PCDHA2: variants seen among roughly 807,000 people sequenced by gnomAD.
PCDHA2 encodes protocadherin alpha 2, also known as protocadherin alpha-2.
Under a neutral mutation model 66.0 loss-of-function variants are expected in PCDHA2, and 58 were observed. The observed-to-expected ratio is 0.88, with a 90% CI of 0.71 to 1.09. The LOEUF (loss-of-function observed/expected upper bound fraction) is 1.09, where lower values mean the gene tolerates loss of function less well. Ranked by LOEUF, PCDHA2 falls within the 50% of genes least tolerant of loss-of-function variation. The pLI is 0.00. For missense variants in PCDHA2, 1,267 were observed against 1,242.3 expected (o/e 1.02, Z -0.30); for synonymous variants, 634 against 554.0 (o/e 1.14, Z -2.03).
Position 140,993,501 on chromosome 5 carries a change from C to T in PCDHA2, c.2536+10938C>T, listed in dbSNP as rs560043353. Among the ~76,000 whole-genome samples, 25 of 149,100 alleles carry T rather than the reference C, an allele frequency of 1.7e-4. No homozygotes were observed. The East Asian group carries it at 3.5e-3, about 21-fold the overall frequency. ...ACACACACACACACACACACACACA[C>T]ACACACACGGGGAGAGAGAGACAGA... On this transcript the variant is annotated intron_variant, in intron 3 of 3. Transcript: ENST00000526136.
At chr5:140,904,435 A>G (rs542932460) in intron 1 of PCDHA2, among the ~76,000 whole-genome samples, 4 of 151,230 alleles carry the variant, frequency 2.6e-5, no homozygotes, top group African/African-American at 9.7e-5. Flanking sequence ...ATATATATGT[A>G]TATTACAATT....
intron 1 of PCDHA2, among the ~76,000 whole-genome samples, chr5:140,805,933 T>C (rs1763653579): frequency 6.6e-6 from 1 of 152,154 alleles, no homozygotes; most frequent in Non-Finnish European, 1.5e-5. Context: ...ATTAGGTAAG[T>C]CCCTCTGAGC....
intron 3 of PCDHA2, among the ~76,000 whole-genome samples, chr5:140,987,213 CAA>C (rs58319157): frequency 9.3e-5 from 11 of 118,826 alleles, no homozygotes; most frequent in African/African-American, 1.6e-4. Flanking sequence ...GACTCCATCT[CAA>C]AAAAAAAAAA....
intron 1 of PCDHA2, chr5:140,822,888 C>T (rs2150120087): frequency 2.5e-6 from 4 of 1,614,234 alleles, no homozygotes; most frequent in Non-Finnish European, 3.4e-6. Flanking sequence ...TTGCTCTGAT[C>T]AGCGTGTCTG....
chr5:140,850,376 C>G (rs2041562813), intron 1 of PCDHA2: 1 of 1,597,960 alleles, frequency 6.3e-7, no homozygotes, highest in Non-Finnish European at 8.6e-7. Flanking sequence ...TGGGGCTGTA[C>G]ACGGGCGAGA....
rs1215014992 is a variant in PCDHA2, at chr5:140,859,892, AT to A, written c.2388+62541del. 2.6e-5 allele frequency: 4 copies of A among 152,144 alleles called. No individual in the cohort carries two copies. The East Asian group carries it at 7.7e-4, about 29-fold the overall frequency. The allele number at this position is 152,144 out of a possible 1,614,324, so 9.4% of individuals were successfully genotyped here. On this transcript the variant is annotated intron_variant, in intron 1 of 3. Transcript: ENST00000526136. ...TCCCCCTCTGATATTTTGAAAAAAAATCTTCCTTAATGTCTTATATTATAAG... is the reference window on the plus strand; with the variant it reads ...TCCCCCTCTGATATTTTGAAAAAAAACTTCCTTAATGTCTTATATTATAAG...
At chr5:140,966,835 G>A in intron 1 of PCDHA2, 10 of 1,564,886 alleles carry the variant, frequency 6.4e-6, no homozygotes, top group Non-Finnish European at 7.8e-6. Flanking sequence ...TGCCCTGGCT[G>A]CTGCTACTGC....
rs374009117 is a variant in PCDHA2, at chr5:140,802,142, A to G, written c.2388+4790A>G. ...ACATAGATTTCGAGGAAAGTAAGTC[A>G]TATGAAATCCAGGTAGAAGCCACGG... On this transcript the variant is annotated intron_variant, in intron 1 of 3. Coordinates refer to ENST00000526136, the MANE Select transcript of PCDHA2 (RefSeq NM_018905.3). 6.1e-5 allele frequency: 99 copies of G among 1,614,142 alleles called. 1 individual carries two copies. The highest frequency in any genetic ancestry group is 5.3e-5 in the Non-Finnish European group (62 of 1,180,052).
chr5:140,803,313 G>T, intron 1 of PCDHA2: 1 of 1,614,142 alleles, frequency 6.2e-7, no homozygotes, highest in Non-Finnish European at 8.5e-7. Flanking sequence ...CGCCATCTGC[G>T]CGGTGTCCAG....
At chr5:140,850,365 G>C in intron 1 of PCDHA2, 1 of 1,597,962 alleles carries the variant, frequency 6.3e-7, no homozygotes, top group Middle Eastern at 1.7e-4. Flanking sequence ...CCCGTTCCGC[G>C]TGGGGCTGTA....
At chr5:140,914,414 C>A (rs1554196336) in intron 1 of PCDHA2, among the ~76,000 whole-genome samples, 1 of 152,038 alleles carries the variant, frequency 6.6e-6, no homozygotes, top group African/African-American at 2.4e-5. Context: ...GTTTTGTTTC[C>A]ATTAGCAAGG....
chr5:140,856,721 G>A (rs1043107454), intron 1 of PCDHA2: 7 of 1,596,646 alleles, frequency 4.4e-6, no homozygotes, highest in South Asian at 1.1e-5. Context: ...TACCGGATCT[G>A]TTTCTCTGCT....
intron 1 of PCDHA2, among the ~76,000 whole-genome samples, chr5:140,909,331 G>T (rs1162078506): frequency 6.6e-6 from 1 of 152,226 alleles, no homozygotes; most frequent in Admixed American, 6.5e-5. Context: ...ATCAATGGTT[G>T]CATACCAGGT....
At chr5:140,806,660 TA>T (rs376815629) in intron 1 of PCDHA2, among the ~76,000 whole-genome samples, 2,423 of 151,566 alleles carry the variant, frequency 0.016, 64 homozygotes, top group African/African-American at 0.054. Context: ...TTATCATTAA[TA>T]AAAAAAAACC....
At chr5:140,823,090 A>T in intron 1 of PCDHA2, 1 of 1,614,038 alleles carries the variant, frequency 6.2e-7, no homozygotes, top group Non-Finnish European at 8.5e-7. Context: ...GGCCACCGCC[A>T]GCGTGTCTGT....
intron 1 of PCDHA2, among the ~76,000 whole-genome samples, chr5:140,954,720 T>C (rs1255262640): frequency 1.3e-5 from 2 of 152,168 alleles, no homozygotes; most frequent in African/African-American, 4.8e-5. Context: ...ATTCTGTAGG[T>C]TGTCTTTTCA....
chr5:140,878,239 T>C (rs1198199054), intron 1 of PCDHA2: 1 of 155,370 alleles, frequency 6.4e-6, no homozygotes, highest in Non-Finnish European at 1.4e-5. Context: ...ATGGATTCTT[T>C]AACTCTTCCT....
chr5:140,889,767 C>T (rs539294045), intron 1 of PCDHA2, among the ~76,000 whole-genome samples: 29 of 152,202 alleles, frequency 1.9e-4, no homozygotes, highest in African/African-American at 6.7e-4. Context: ...TGAACTTTGA[C>T]TGGTCTTAAT....
intron 1 of PCDHA2, chr5:140,804,762 G>T: frequency 4.2e-6 from 1 of 240,134 alleles, no homozygotes; most frequent in Non-Finnish European, 8.0e-6. Context: ...CTAGCAATTA[G>T]TTGGACTCCC....
Sources: allele counts gnomAD v4.1 joint callset (sites outside exome capture counted in the v4.1 genomes callset), GRCh38; gene constraint gnomAD v4.1.1; transcripts MANE v1.5; gene names NCBI Gene and HGNC (gene_info 2026-07-23, HGNC 2026-07-21).